The following MTUS2 variants were observed in gnomAD, a reference collection of about 807,000 sequenced individuals.
The protein encoded by MTUS2 is microtubule associated scaffold protein 2.
MTUS2 carries 40 observed loss-of-function variants against 114.1 expected under a neutral mutation model. That is an observed-to-expected ratio of 0.35 (90% confidence interval 0.27 to 0.46). The LOEUF (loss-of-function observed/expected upper bound fraction) is 0.46, where lower values mean the gene tolerates loss of function less well. MTUS2 is among the 20% of genes least tolerant of loss of function. The pLI is 1.00. For missense variants in MTUS2, 1,679 were observed against 1,705.4 expected (o/e 0.98, Z 0.27); for synonymous variants, 688 against 672.0 (o/e 1.02, Z -0.37).
intron 5 of MTUS2, among the ~76,000 whole-genome samples, chr13:29,247,201 T>C (rs2139417686): frequency 6.6e-6 from 1 of 152,334 alleles, no homozygotes; most frequent in South Asian, 2.1e-4. Flanking sequence ...CTGGGATAAT[T>C]GGCAAGCCAC....
In MTUS2 at chr13:28,970,816, T is replaced by C. The variant is rs1593344737; in HGVS notation, c.-242-53641T>C. ...CATATCAGGGCCATGGAGCAAGAGC[T>C]GTATAAATGTGTTTCTCCAGAGCAT... is the stretch of plus-strand genomic sequence containing the variant. On this transcript the variant is annotated intron_variant, in intron 2 of 15. Transcript: ENST00000612955. 2.0e-5 allele frequency among the ~76,000 whole-genome samples: 3 copies of C among 152,154 alleles called. No homozygotes were observed. The South Asian group carries it at 6.2e-4, about 32-fold the overall frequency.
chr13:29,113,410 A>AT (rs1193354068), intron 5 of MTUS2, among the ~76,000 whole-genome samples: 1 of 152,132 alleles, frequency 6.6e-6, no homozygotes, highest in Non-Finnish European at 1.5e-5. Context: ...CAAGAAAGGC[A>AT]TTTTCTTATT....
At position 28,971,176 on chromosome 13, in the gene MTUS2, T is replaced by G. The variant is rs1883839332; in HGVS notation, c.-242-53281T>G. On this transcript the variant is annotated intron_variant, in intron 2 of 15. Transcript: ENST00000612955. The stretch of plus-strand genomic sequence containing the variant: ...GGGAAAGCTTCTTCATTTCAGTCAC[T>G]TGAAAACATTTTAAAAATATCTGGA... Among the ~76,000 whole-genome samples, 3 of 152,328 alleles carry G rather than the reference T, an allele frequency of 2.0e-5. No individual in the cohort carries two copies. The South Asian group carries it at 6.2e-4, about 32-fold the overall frequency.
At chr13:29,138,494 ATATT>A (rs1410147186) in intron 5 of MTUS2, among the ~76,000 whole-genome samples, 3 of 148,430 alleles carry the variant, frequency 2.0e-5, no homozygotes, top group African/African-American at 7.3e-5. Context: ...TATATTTTTA[ATATT>A]TATATTTGAG....
At chr13:29,095,996 G>A (rs1340246036) in intron 4 of MTUS2, among the ~76,000 whole-genome samples, 2 of 151,814 alleles carry the variant, frequency 1.3e-5, no homozygotes, top group East Asian at 1.9e-4. Context: ...CTTTTTTCTA[G>A]TATCTGAATC....
chr13:29,184,945 T>C (rs1303192932), intron 5 of MTUS2, among the ~76,000 whole-genome samples: 1 of 152,160 alleles, frequency 6.6e-6, no homozygotes, highest in Non-Finnish European at 1.5e-5. Context: ...AAGTCCATAC[T>C]AGTTGGACAT....
chr13:29,293,399 A>T (rs1162994232), intron 6 of MTUS2, among the ~76,000 whole-genome samples: 2 of 152,204 alleles, frequency 1.3e-5, no homozygotes, highest in African/African-American at 4.8e-5. Context: ...AATGAGATAC[A>T]GTCTTTTTAA....
At chr13:28,966,267 A>G (rs1403351111) in intron 2 of MTUS2, among the ~76,000 whole-genome samples, 1 of 152,226 alleles carries the variant, frequency 6.6e-6, no homozygotes, top group Non-Finnish European at 1.5e-5. Context: ...AGGAAATTCT[A>G]TAGCAGCTTG....
chr13:29,000,353 G>GT (rs1338564890), intron 2 of MTUS2, among the ~76,000 whole-genome samples: 2 of 152,018 alleles, frequency 1.3e-5, no homozygotes, highest in African/African-American at 2.4e-5. Flanking sequence ...GGTTGACAGT[G>GT]TTTTTTCCTT....
At chr13:29,404,342 A>G (rs896146248) in intron 8 of MTUS2, among the ~76,000 whole-genome samples, 1 of 151,942 alleles carries the variant, frequency 6.6e-6, no homozygotes, top group African/African-American at 2.4e-5. Flanking sequence ...ATAGAGTGAG[A>G]CCCTGTCTCG....
intron 2 of MTUS2, among the ~76,000 whole-genome samples, chr13:28,997,144 C>T (rs540647941): frequency 6.6e-5 from 10 of 152,274 alleles, no homozygotes; most frequent in Non-Finnish European, 1.0e-4. Context: ...GCCTTCATTT[C>T]GTTATGTACC....
intron 5 of MTUS2, among the ~76,000 whole-genome samples, chr13:29,149,727 A>T (rs9506114): frequency 0.39 from 59,542 of 151,828 alleles, 13,714 homozygotes; most frequent in Non-Finnish European, 0.48. Flanking sequence ...TGGTTTCAAT[A>T]TTCTGGCTAG....
chr13:29,302,272 C>A (rs1253142390), intron 6 of MTUS2, among the ~76,000 whole-genome samples: 1 of 152,178 alleles, frequency 6.6e-6, no homozygotes, highest in African/African-American at 2.4e-5. Flanking sequence ...GGAACCCCCA[C>A]CCCCAGCCAA....
intron 8 of MTUS2, among the ~76,000 whole-genome samples, chr13:29,403,852 C>T (rs1286465960): frequency 1.3e-5 from 2 of 152,050 alleles, no homozygotes; most frequent in African/African-American, 2.4e-5. Flanking sequence ...TATCTCCCTA[C>T]CTATCTATCT....
At chr13:29,265,961 A>G (rs966216921) in intron 5 of MTUS2, among the ~76,000 whole-genome samples, 2 of 152,174 alleles carry the variant, frequency 1.3e-5, no homozygotes, top group African/African-American at 4.8e-5. Flanking sequence ...GGTGCTGAGT[A>G]AAGACAGATG....
chr13:28,907,066 G>C (rs1054543363), intron 2 of MTUS2, among the ~76,000 whole-genome samples: 1 of 151,564 alleles, frequency 6.6e-6, no homozygotes, highest in African/African-American at 2.4e-5. Flanking sequence ...GGCAGAAACC[G>C]TACAAGCCAG....
intron 8 of MTUS2, among the ~76,000 whole-genome samples, chr13:29,392,998 A>T (rs2138448641): frequency 6.6e-6 from 1 of 152,362 alleles, no homozygotes; most frequent in East Asian, 1.9e-4. Flanking sequence ...AAGAAAAGAC[A>T]TCTATTTAAT....
chr13:28,897,983 C>T (rs904961471), intron 2 of MTUS2, among the ~76,000 whole-genome samples: 18 of 151,672 alleles, frequency 1.2e-4, no homozygotes, highest in South Asian at 6.2e-4. Flanking sequence ...CACACCAACA[C>T]GGCACATGTA....
In MTUS2 at chr13:29,025,257, G is replaced by T. The variant is rs1331055288; in HGVS notation, c.559G>T (p.Val187Phe). The T allele has an allele frequency of 6.2e-7, 1 of 1,613,996 alleles. No individual in the cohort carries two copies. Among genetic ancestry groups the T allele is most frequent in the Non-Finnish European group, 8.5e-7 (1 of 1,179,884 alleles). Residue 187 changes from valine to phenylalanine, a missense_variant, in exon 3 of 16, where the codon GTC becomes TTC. Transcript: ENST00000612955. ...AAGAGCAAGCAGCTCTGTAGCTGCA[G>T]TCGGGAGCCTGACTCCGCAGCATCC... is the stretch of plus-strand genomic sequence containing the variant. ...LERASSSVAA[V>F]GSLTPQHPQP...
Sources: gnomAD v4.1 joint callset for allele counts (sites outside exome capture counted in the v4.1 genomes callset) on GRCh38, gnomAD v4.1.1 for gene constraint, MANE v1.5 for transcripts, NCBI Gene and HGNC (gene_info 2026-07-23, HGNC 2026-07-21) for gene names.